The following FGF21 variants were observed in gnomAD, a reference collection of about 807,000 sequenced individuals.
The protein encoded by FGF21 is fibroblast growth factor 21.
Under a neutral mutation model 13.4 loss-of-function variants are expected in FGF21, and 13 were observed. The ratio of observed to expected loss-of-function variants is 0.97; its 90% confidence interval spans 0.63 to 1.54. The LOEUF (loss-of-function observed/expected upper bound fraction) is 1.54. FGF21 is among the 40% of genes most tolerant of loss of function. FGF21 has a pLI of 0.00. For missense variants in FGF21, 303 were observed against 272.4 expected (o/e 1.11, Z -0.79); for synonymous variants, 124 against 123.6 (o/e 1.00, Z -0.02).
Position 48,756,233 on chromosome 19 carries a change from A to G in FGF21, c.-4A>G. 1 of 1,610,864 alleles carries G rather than the reference A, an allele frequency of 6.2e-7. No homozygotes were observed. Among genetic ancestry groups the G allele is most frequent in the South Asian group, 1.1e-5 (1 of 90,998 alleles). ...CGGAGATCACCTGAGGACCCGAGCC[A>G]TTGATGGACTCGGACGAGACCGGGT... On this transcript the variant is annotated 5_prime_UTR_variant, in exon 2 of 4. Coordinates refer to ENST00000593756, the MANE Select transcript of FGF21 (RefSeq NM_019113.4).
chr19:48,757,924 C>A lies in FGF21; in HGVS notation c.340-6C>A. 6.5e-7 allele frequency: 1 copy of A among 1,540,530 alleles called. No homozygotes were observed. Among genetic ancestry groups the A allele is most frequent in the Non-Finnish European group, 8.7e-7 (1 of 1,143,852 alleles). The stretch of plus-strand genomic sequence containing the variant: ...CCCTGTCTCTGATCCTGTTTTTGTC[C>A]CCTAGCTCCACTTTGACCCTGAGGC... On this transcript the variant is annotated splice_region_variant and splice_polypyrimidine_tract_variant and intron_variant, in intron 3 of 3. Coordinates refer to ENST00000593756, the MANE Select transcript of FGF21 (RefSeq NM_019113.4).
Position 48,758,298 on chromosome 19 carries a change from C to T in FGF21, c.*78C>T. 1 of 1,299,112 alleles carries T rather than the reference C, an allele frequency of 7.7e-7. No individual in the cohort carries two copies. The highest frequency in any genetic ancestry group is 1.0e-6 in the Non-Finnish European group (1 of 973,056). The allele number at this position is 1,299,112 out of a possible 1,614,324, so 80.5% of individuals were successfully genotyped here. ...CTTATTTATTTTTTTATTTTTCTTA[C>T]TTGAGATAATAAAGAGTTCCAGAGG... On this transcript the variant is annotated 3_prime_UTR_variant, in exon 4 of 4. Coordinates refer to ENST00000593756, the MANE Select transcript of FGF21 (RefSeq NM_019113.4).
Position 48,758,254 on chromosome 19 carries a change from T to A in FGF21, c.*34T>A, listed in dbSNP as rs2034145834. ...GCTGTTTACTATGACATCTCCTCTTTATTTATTAGGTTATTTATCTTATTT... is the reference window on the plus strand; with the variant it reads ...GCTGTTTACTATGACATCTCCTCTTAATTTATTAGGTTATTTATCTTATTT... On this transcript the variant is annotated 3_prime_UTR_variant, in exon 4 of 4. Coordinates refer to ENST00000593756, the MANE Select transcript of FGF21 (RefSeq NM_019113.4). 6.5e-7 allele frequency: 1 copy of A among 1,530,858 alleles called. No homozygotes were observed. Among genetic ancestry groups the A allele is most frequent in the Non-Finnish European group, 8.8e-7 (1 of 1,139,616 alleles). 94.8% of individuals were successfully genotyped at this position (1,530,858 alleles called of 1,614,324 possible).
Position 48,756,335 on chromosome 19 carries a change from C to A in FGF21, c.99C>A (p.Asp33Glu). The A allele has an allele frequency of 6.2e-7, 1 of 1,614,110 alleles. No homozygotes were observed. The highest frequency in any genetic ancestry group is 8.5e-7 in the Non-Finnish European group (1 of 1,180,032). ...CCTGCCAGGCACACCCCATCCCTGA[C>A]TCCAGTCCTCTCCTGCAATTCGGGG... ...LGACQAHPIP[D>E]SSPLLQFGGQ... The change falls in exon 2 of 4, where the codon GAC becomes GAA. Residue 33 changes from aspartate to glutamate, a missense_variant. Asp to Glu is a conservative substitution (Grantham distance 45). Coordinates refer to ENST00000593756, the MANE Select transcript of FGF21 (RefSeq NM_019113.4).
At chr19:48,757,155 C>G in intron 3 of FGF21, 126 bp downstream of exon 3, 2 of 689,938 alleles carry the variant, frequency 2.9e-6, no homozygotes, top group East Asian at 2.6e-5. Flanking sequence ...TCTGCACGCC[C>G]CCAGCTGCAA....
In FGF21 at chr19:48,756,413, C is replaced by T; in HGVS notation, c.177C>T (p.Ala59=). 1.2e-6 allele frequency: 2 copies of T among 1,613,900 alleles called. No homozygotes were observed. Among genetic ancestry groups the T allele is most frequent in the South Asian group, 1.1e-5 (1 of 91,078 alleles). ...LYTDDAQQTE[A]HLEIREDGTV... Reference sequence around the variant, plus strand: ...CAGATGATGCCCAGCAGACAGAAGCCCACCTGGAGATCAGGGAGGATGGGA... The same window carrying T: ...CAGATGATGCCCAGCAGACAGAAGCTCACCTGGAGATCAGGGAGGATGGGA... Residue 59 remains alanine, a synonymous_variant, in exon 2 of 4, where the codon GCC becomes GCT. Coordinates refer to ENST00000593756, the MANE Select transcript of FGF21 (RefSeq NM_019113.4).
rs1316887283 is a variant in FGF21, at chr19:48,758,264, G to A, written c.*44G>A. The A allele has an allele frequency of 2.0e-6, 3 of 1,467,732 alleles. No homozygotes were observed. Among genetic ancestry groups the A allele is most frequent in the Admixed American group, 4.8e-5 (2 of 41,982 alleles). The allele number at this position is 1,467,732 out of a possible 1,614,324, so 90.9% of individuals were successfully genotyped here. A position where few individuals can be genotyped will look rare whatever the true frequency, so the allele number is the denominator to read the frequency against. On this transcript the variant is annotated 3_prime_UTR_variant, in exon 4 of 4. Transcript: ENST00000593756. ...ATGACATCTCCTCTTTATTTATTAG[G>A]TTATTTATCTTATTTATTTTTTTAT...
rs41308772 is a variant in FGF21 at position 48,757,139 on chromosome 19, A to G, written c.339+110A>G. On this transcript the variant is annotated intron_variant, in intron 3 of 3. Transcript: ENST00000593756. ...CCCCCCCGGAGCCAGACTTGATTCTATTTGCTCTGCACGCCCCCAGCTGCA... is the reference window on the plus strand; with the variant it reads ...CCCCCCCGGAGCCAGACTTGATTCTGTTTGCTCTGCACGCCCCCAGCTGCA... The G allele has an allele frequency of 8.0e-5, 63 of 782,872 alleles. No homozygotes were observed. In the East Asian group the frequency reaches 1.6e-3, roughly 19 times the overall value. The allele number at this position is 782,872 out of a possible 1,614,324, so 48.5% of individuals were successfully genotyped here.
At chr19:48,757,564 C>A (rs2034126345) in intron 3 of FGF21, among the ~76,000 whole-genome samples, 1 of 151,048 alleles carries the variant, frequency 6.6e-6, no homozygotes. Context: ...AGAGGAGGGG[C>A]TGGGGGCCTG....
intron 1 of FGF21, 41 bp from the exon 2 acceptor site, chr19:48,755,850 G>T (rs1347691200): frequency 5.4e-6 from 1 of 184,174 alleles, no homozygotes; most frequent in Non-Finnish European, 1.1e-5. Context: ...CCTTTCACCT[G>T]GGTCCCAGCT....
intron 3 of FGF21, 88 bp from the exon 4 acceptor site, chr19:48,757,842 T>C (rs1201867428): frequency 8.3e-6 from 11 of 1,320,310 alleles, no homozygotes; most frequent in Non-Finnish European, 1.1e-5. Flanking sequence ...CCCCTGGGTC[T>C]GAGGGAGGCA....
At chr19:48,756,665 C>T (rs1240484365) in intron 2 of FGF21, among the ~76,000 whole-genome samples, 194 bp downstream of exon 2, 1 of 134,298 alleles carries the variant, frequency 7.4e-6, no homozygotes, top group Non-Finnish European at 1.6e-5. Context: ...GGGGCTGGGT[C>T]TGGACCCCTG....
At position 48,758,279 on chromosome 19, in the gene FGF21, TA is replaced by T. The variant is rs2034146524; in HGVS notation, c.*60del. On this transcript the variant is annotated 3_prime_UTR_variant, in exon 4 of 4. Coordinates refer to ENST00000593756, the MANE Select transcript of FGF21 (RefSeq NM_019113.4). The stretch of plus-strand genomic sequence containing the variant: ...TATTTATTAGGTTATTTATCTTATT[TA>T]TTTTTTTATTTTTCTTACTTGAGAT... 15 of 1,378,446 alleles carry T rather than the reference TA, an allele frequency of 1.1e-5. No homozygotes were observed. The highest frequency in any genetic ancestry group is 1.4e-5 in the Non-Finnish European group (15 of 1,038,238). The allele number at this position is 1,378,446 out of a possible 1,614,324, so 85.4% of individuals were successfully genotyped here.
rs767647817 is a variant in FGF21 at position 48,758,231 on chromosome 19, T to C, written c.*11T>C. 21 of 1,586,888 alleles carry C rather than the reference T, an allele frequency of 1.3e-5. No homozygotes were observed. In the African/African-American group the frequency reaches 1.4e-4, roughly 10 times the overall value. ...AGCTACGCTTCCTGAAGCCAGAGGCTGTTTACTATGACATCTCCTCTTTAT... is the reference window on the plus strand; with the variant it reads ...AGCTACGCTTCCTGAAGCCAGAGGCCGTTTACTATGACATCTCCTCTTTAT... On this transcript the variant is annotated 3_prime_UTR_variant, in exon 4 of 4. Transcript: ENST00000593756.
At position 48,758,144 on chromosome 19, in the gene FGF21, C is replaced by G; in HGVS notation, c.554C>G (p.Pro185Arg). 2 of 1,611,926 alleles carry G rather than the reference C, an allele frequency of 1.2e-6. No individual in the cohort carries two copies. The highest frequency in any genetic ancestry group is 1.7e-6 in the Non-Finnish European group (2 of 1,179,600). ...CCACCCGGAATCCTGGCCCCCCAGC[C>G]CCCCGATGTGGGCTCCTCGGACCCT... is the stretch of plus-strand genomic sequence containing the variant. ...PEPPGILAPQ[P>R]PDVGSSDPLS... The change falls in exon 4 of 4, where the codon CCC becomes CGC. Residue 185 changes from proline to arginine, a missense_variant. Coordinates refer to ENST00000593756, the MANE Select transcript of FGF21 (RefSeq NM_019113.4).
Position 48,758,295 on chromosome 19 carries a change from T to A in FGF21, c.*75T>A. 1 of 1,310,524 alleles carries A rather than the reference T, an allele frequency of 7.6e-7. No homozygotes were observed. The highest frequency in any genetic ancestry group is 1.7e-5 in the South Asian group (1 of 59,364). 81.2% of individuals were successfully genotyped at this position (1,310,524 alleles called of 1,614,324 possible). On this transcript the variant is annotated 3_prime_UTR_variant, in exon 4 of 4. Coordinates refer to ENST00000593756, the MANE Select transcript of FGF21 (RefSeq NM_019113.4). ...TATCTTATTTATTTTTTTATTTTTC[T>A]TACTTGAGATAATAAAGAGTTCCAG... is the stretch of plus-strand genomic sequence containing the variant.
Position 48,756,438 on chromosome 19 carries a change from A to G in FGF21, c.202A>G (p.Thr68Ala). ...CCACCTGGAGATCAGGGAGGATGGG[A>G]CGGTGGGGGGCGCTGCTGACCAGAG... ...EAHLEIREDG[T>A]VGGAADQSPE... Residue 68 changes from threonine (T) to alanine (A), a missense_variant, in exon 2 of 4, where the codon ACG becomes GCG. By Grantham distance (58) the Thr-to-Ala change is moderately conservative. Coordinates refer to ENST00000593756, the MANE Select transcript of FGF21 (RefSeq NM_019113.4). 1 of 1,613,534 alleles carries G rather than the reference A, an allele frequency of 6.2e-7. No homozygotes were observed. Among genetic ancestry groups the G allele is most frequent in the South Asian group, 1.1e-5 (1 of 91,076 alleles).
intron 2 of FGF21, 145 bp from the exon 3 acceptor site, chr19:48,756,781 C>T (rs888229672): frequency 1.4e-6 from 1 of 730,176 alleles, no homozygotes. Context: ...TTGGCTTGGG[C>T]TTCTCCTGGG....
intron 2 of FGF21, 95 bp from the exon 3 acceptor site, chr19:48,756,831 G>A (rs1192015562): frequency 4.9e-6 from 5 of 1,011,510 alleles, no homozygotes; most frequent in Non-Finnish European, 7.7e-6. Context: ...GACTCCCAGG[G>A]CTGGGACAGA....
Sources: gnomAD v4.1 joint callset for allele counts (sites outside exome capture counted in the v4.1 genomes callset) on GRCh38, gnomAD v4.1.1 for gene constraint, MANE v1.5 for transcripts, NCBI Gene and HGNC (gene_info 2026-07-23, HGNC 2026-07-21) for gene names.